DCC: variants seen among roughly 807,000 people sequenced by gnomAD.
DCC encodes the protein DCC netrin 1 receptor.
Under a neutral mutation model 172.5 loss-of-function variants are expected in DCC, and 58 were observed. That is an observed-to-expected ratio of 0.34 (90% CI 0.27 to 0.42). The LOEUF (loss-of-function observed/expected upper bound fraction) is 0.42, where lower values mean the gene tolerates loss of function less well. Ranked by LOEUF, DCC falls within the 10% of genes least tolerant of loss-of-function variation. DCC has a pLI of 1.00. For synonymous variants in DCC, 709 were observed against 644.5 expected, an observed-to-expected ratio of 1.10 and a Z score of -1.52; for missense variants, 1,740 against 1,791.0, an observed-to-expected ratio of 0.97 and a Z score of 0.51.
chr18:53,197,772 T>G (rs1442869336), intron 9 of DCC, among the ~76,000 whole-genome samples: 1 of 152,112 alleles, frequency 6.6e-6, no homozygotes, highest in Non-Finnish European at 1.5e-5. Flanking sequence ...GGTTTTGTTC[T>G]GATTATTGCA....
intron 1 of DCC, among the ~76,000 whole-genome samples, chr18:52,545,839 CTGTT>C (rs954990619): frequency 1.3e-5 from 2 of 152,146 alleles, no homozygotes; most frequent in Admixed American, 6.5e-5. Context: ...ATAGTACTAA[CTGTT>C]TGTTATTACT....
chr18:52,659,439 G>A (rs1184553017), intron 1 of DCC, among the ~76,000 whole-genome samples: 2 of 152,206 alleles, frequency 1.3e-5, no homozygotes, highest in African/African-American at 2.4e-5. Flanking sequence ...TTAACCCAAC[G>A]ATAATGAAGA....
chr18:53,053,249 T>G (rs1035968049), intron 5 of DCC, among the ~76,000 whole-genome samples: 1 of 152,156 alleles, frequency 6.6e-6, no homozygotes, highest in Non-Finnish European at 1.5e-5. Flanking sequence ...GCGGTGTTAG[T>G]GAGAATTCTT....
chr18:53,201,539 G>A (rs1029890496), intron 9 of DCC, among the ~76,000 whole-genome samples: 23 of 152,010 alleles, frequency 1.5e-4, no homozygotes, highest in Non-Finnish European at 2.5e-4. Flanking sequence ...AAATATGTGC[G>A]TTGTCTTTGT....
At chr18:52,705,280 T>C (rs1037756997) in intron 1 of DCC, among the ~76,000 whole-genome samples, 1 of 152,064 alleles carries the variant, frequency 6.6e-6, no homozygotes, top group Non-Finnish European at 1.5e-5. Flanking sequence ...ATGGGTTAAT[T>C]AAAGGTGGCA....
intron 19 of DCC, among the ~76,000 whole-genome samples, chr18:53,405,315 G>T (rs935774343): frequency 6.6e-6 from 1 of 152,118 alleles, no homozygotes; most frequent in Admixed American, 6.5e-5. Flanking sequence ...GTGTATGGCA[G>T]GCAGTAGAGC....
At chr18:52,453,279 C>T (rs536563109) in intron 1 of DCC, among the ~76,000 whole-genome samples, 1 of 152,326 alleles carries the variant, frequency 6.6e-6, no homozygotes, top group East Asian at 1.9e-4. Flanking sequence ...AGAACACATT[C>T]TTTAAATGTT....
rs1261503901 is a variant in DCC at position 52,771,555 on chromosome 18, C to T, written c.412+19181C>T. Among the ~76,000 whole-genome samples the T allele has an allele frequency of 2.0e-5, 3 of 152,170 alleles. No homozygotes were observed. The South Asian group carries it at 6.2e-4, about 32-fold the overall frequency. On this transcript the variant is annotated intron_variant, in intron 2 of 28. Coordinates refer to ENST00000442544, the MANE Select transcript of DCC (RefSeq NM_005215.4). Reference sequence around the variant, plus strand: ...GTGAGTCAATTTCCAAACCCAGAGACATTTTGGTGCATTACACTCACTAAT... The same window carrying T: ...GTGAGTCAATTTCCAAACCCAGAGATATTTTGGTGCATTACACTCACTAAT...
At chr18:52,790,588 G>A (rs1273347833) in intron 2 of DCC, among the ~76,000 whole-genome samples, 1 of 152,068 alleles carries the variant, frequency 6.6e-6, no homozygotes, top group Non-Finnish European at 1.5e-5. Flanking sequence ...AAAAAAGATA[G>A]CCATTTTATA....
intron 1 of DCC, among the ~76,000 whole-genome samples, chr18:52,389,880 TA>T (rs1985963598): frequency 6.6e-6 from 1 of 152,086 alleles, no homozygotes; most frequent in South Asian, 2.1e-4. Context: ...ATTCAATGAA[TA>T]AAAACAAACA....
At chr18:52,436,749 A>T (rs1987808808) in intron 1 of DCC, among the ~76,000 whole-genome samples, 1 of 152,094 alleles carries the variant, frequency 6.6e-6, no homozygotes, top group Admixed American at 6.5e-5. Context: ...TCTACTAAAA[A>T]CTACAAACAA....
chr18:52,633,904 A>G (rs1003819796), intron 1 of DCC, among the ~76,000 whole-genome samples: 15 of 152,260 alleles, frequency 9.9e-5, no homozygotes, highest in Non-Finnish European at 1.6e-4. Flanking sequence ...ACGCTAGCAC[A>G]GCCCCTGATT....
chr18:53,445,988 C>T (rs767526620), intron 22 of DCC, among the ~76,000 whole-genome samples: 1 of 149,506 alleles, frequency 6.7e-6, no homozygotes, highest in Non-Finnish European at 1.5e-5. Context: ...TTGGGTGGAC[C>T]TGGTCGTTCA....
intron 14 of DCC, among the ~76,000 whole-genome samples, chr18:53,336,977 C>T (rs539413989): frequency 1.3e-5 from 2 of 152,296 alleles, no homozygotes; most frequent in South Asian, 4.1e-4. Context: ...TATTTTGAGG[C>T]TTGCCTCTAG....
intron 9 of DCC, among the ~76,000 whole-genome samples, chr18:53,195,668 C>A (rs2055432657): frequency 6.6e-6 from 1 of 152,102 alleles, no homozygotes; most frequent in Non-Finnish European, 1.5e-5. Flanking sequence ...GTATGTTACC[C>A]ATTCAACCCA....
At chr18:52,642,889 C>T (rs913065938) in intron 1 of DCC, among the ~76,000 whole-genome samples, 2 of 152,154 alleles carry the variant, frequency 1.3e-5, no homozygotes, top group Non-Finnish European at 2.9e-5. Context: ...GTCTTGAACT[C>T]CTGGTCTCAA....
At chr18:52,772,229 T>C (rs2037356804) in intron 2 of DCC, among the ~76,000 whole-genome samples, 1 of 152,216 alleles carries the variant, frequency 6.6e-6, no homozygotes, top group South Asian at 2.1e-4. Flanking sequence ...TTAGGAACTT[T>C]ATGTTAACTG....
intron 5 of DCC, among the ~76,000 whole-genome samples, chr18:52,982,595 C>CCCTG (rs1568226612): frequency 6.6e-6 from 1 of 151,954 alleles, no homozygotes; most frequent in Non-Finnish European, 1.5e-5. Flanking sequence ...TTAGAATCAC[C>CCCTG]CCTGCCTCTA....
In DCC at chr18:52,767,565, T is replaced by A. The variant is rs546015354; in HGVS notation, c.412+15191T>A. On this transcript the variant is annotated intron_variant, in intron 2 of 28. Coordinates refer to ENST00000442544, the MANE Select transcript of DCC (RefSeq NM_005215.4). ...TATTTATAACTGGCTTAGACAATTA[T>A]CCCTCCTTTTACGCTTGTTGGTTTC... Among the ~76,000 whole-genome samples, 41 of 152,312 alleles carry A rather than the reference T, an allele frequency of 2.7e-4. 1 individual carries two copies. The highest frequency in any genetic ancestry group is 2.0e-3 in the Admixed American group (30 of 15,294).
Sources: gnomAD v4.1 joint callset for allele counts (sites outside exome capture counted in the v4.1 genomes callset) on GRCh38, gnomAD v4.1.1 for gene constraint, MANE v1.5 for transcripts, NCBI Gene and HGNC (gene_info 2026-07-23, HGNC 2026-07-21) for gene names.